EOGT: variants seen among roughly 807,000 people sequenced by gnomAD.
EOGT encodes EGF domain-specific O-linked N-acetylglucosamine transferase.
In EOGT, 55 loss-of-function variants were observed where a neutral mutation model predicts 70.5. The observed-to-expected ratio is 0.78, with a 90% confidence interval of 0.63 to 0.98. The LOEUF is 0.98. Among genes scored for constraint, EOGT ranks in the 50% least tolerant of loss-of-function variants. The pLI, the probability that EOGT is intolerant of heterozygous loss-of-function variation, is 0.00. For synonymous variants in EOGT, 246 were observed against 217.1 expected, an observed-to-expected ratio of 1.13 and a Z score of -1.17; for missense variants, 703 against 641.9, an observed-to-expected ratio of 1.10 and a Z score of -1.03.
intron 10 of EOGT, among the ~76,000 whole-genome samples, chr3:68,996,380 G>C (rs2083178): frequency 6.6e-6 from 1 of 152,290 alleles, no homozygotes; most frequent in South Asian, 2.1e-4. Context: ...CTGTTAACTA[G>C]CTAAGTCGGC....
chr3:69,009,933 C>CAAAAAAAAAAAAAA, intron 3 of EOGT, 73 bp from the exon 4 acceptor site: 7 of 255,182 alleles, frequency 2.7e-5, no homozygotes, highest in Middle Eastern at 1.3e-3. Flanking sequence ...ACAACAACAA[C>CAAAAAAAAAAAAAA]AAAAAAAAAA....
chr3:69,013,160 G>A (rs772333821), intron 1 of EOGT, among the ~76,000 whole-genome samples: 38 of 152,176 alleles, frequency 2.5e-4, no homozygotes, highest in African/African-American at 8.2e-4. Flanking sequence ...CCGCGCTGGG[G>A]TTCCGGACCC....
chr3:69,007,021 T>C (rs987356947), intron 6 of EOGT, among the ~76,000 whole-genome samples: 1 of 152,210 alleles, frequency 6.6e-6, no homozygotes, highest in South Asian at 2.1e-4. Context: ...TGGGCAAATA[T>C]AGAGCAGTAT....
At chr3:69,000,779 G>A (rs1322241026) in intron 9 of EOGT, among the ~76,000 whole-genome samples, 1 of 152,100 alleles carries the variant, frequency 6.6e-6, no homozygotes, top group South Asian at 2.1e-4. Flanking sequence ...CTTGCAAGCT[G>A]AGAAAGAGGC....
chr3:68,983,912 G>A (rs762182378), intron 14 of EOGT, among the ~76,000 whole-genome samples: 39 of 152,130 alleles, frequency 2.6e-4, no homozygotes, highest in Middle Eastern at 3.2e-3. Flanking sequence ...GCAGTGAGCC[G>A]AGATCGTGCC....
At chr3:68,988,439 T>C (rs2090881344) in intron 12 of EOGT, 58 bp from the exon 13 acceptor site, 2 of 1,486,660 alleles carry the variant, frequency 1.3e-6, no homozygotes, top group South Asian at 1.2e-5. Flanking sequence ...TAATTTAAGA[T>C]ACTGTCAACT....
Position 69,004,609 on chromosome 3 carries a change from T to A in EOGT, c.516-127A>T, listed in dbSNP as rs141761198. ...TTTAAAAGAATTTAACTATTTACAA[T>A]AGAAAATTTCAAGTGTATATGAAAG... On this transcript the variant is annotated intron_variant, in intron 7 of 17. Transcript: ENST00000383701. 7.4e-4 allele frequency: 485 copies of A among 655,578 alleles called. 3 individuals carry two copies. In the African/African-American group the frequency reaches 8.1e-3, roughly 11 times the overall value. The allele number at this position is 655,578 out of a possible 1,614,324, so 40.6% of individuals were successfully genotyped here.
chr3:68,995,861 TAG>T (rs2091133439), intron 10 of EOGT, among the ~76,000 whole-genome samples: 2 of 152,200 alleles, frequency 1.3e-5, no homozygotes, highest in Admixed American at 1.3e-4. Flanking sequence ...AGCATTATCT[TAG>T]AACACTCACC....
chr3:69,007,705 A>G lies in EOGT; in HGVS notation c.420+8T>C, dbSNP rs755149184. The G allele has an allele frequency of 1.4e-5, 22 of 1,553,086 alleles. No individual in the cohort carries two copies. The highest frequency in any genetic ancestry group is 1.8e-5 in the Non-Finnish European group (21 of 1,136,604). ...ACAAGTTTATTTAGTAAGGAGCAAAATACCCACCGTTTCCTTAGGCTGACA... is the reference window on the plus strand; with the variant it reads ...ACAAGTTTATTTAGTAAGGAGCAAAGTACCCACCGTTTCCTTAGGCTGACA... On this transcript the variant is annotated splice_region_variant and intron_variant, in intron 6 of 17. Transcript: ENST00000383701.
intron 13 of EOGT, among the ~76,000 whole-genome samples, chr3:68,988,068 C>T (rs1284767252): frequency 3.9e-5 from 6 of 152,200 alleles, no homozygotes; most frequent in African/African-American, 2.4e-5. Flanking sequence ...GCACATGCCA[C>T]CTCGTCCAGC....
At chr3:69,002,213 T>A (rs963633039) in intron 8 of EOGT, among the ~76,000 whole-genome samples, 2 of 152,122 alleles carry the variant, frequency 1.3e-5, no homozygotes, top group African/African-American at 4.8e-5. Flanking sequence ...CAGGCCCAGG[T>A]TGAGTCTAGA....
chr3:68,983,900 C>T (rs769192074), intron 14 of EOGT, among the ~76,000 whole-genome samples: 8 of 152,140 alleles, frequency 5.3e-5, no homozygotes, highest in Non-Finnish European at 7.4e-5. Context: ...GAGATGGAGG[C>T]TGCAGTGAGC....
intron 13 of EOGT, 100 bp from the exon 14 acceptor site, chr3:68,987,613 A>T: frequency 1.2e-6 from 1 of 848,838 alleles, no homozygotes; most frequent in Non-Finnish European, 1.9e-6. Context: ...GATGAAACTC[A>T]ACCAGGATAC....
intron 14 of EOGT, 58 bp from the exon 15 acceptor site, chr3:68,982,930 CCTTAT>C (rs1436553134): frequency 7.6e-7 from 1 of 1,320,588 alleles, no homozygotes; most frequent in African/African-American, 1.5e-5. Context: ...TCTGTTTTTC[CCTTAT>C]GAGTCCTAAA....
rs764370852 is a variant in EOGT at position 68,982,829 on chromosome 3, A to G, written c.1196T>C (p.Ile399Thr). ...TACTTACCTATACTTGTAATCAACA[A>G]TCTGGACTTCAAATGTAGATACTGT... is the stretch of plus-strand genomic sequence containing the variant. Reference protein sequence around the residue: ...LKTVSTFEVQIVDYKYRELGF... With the variant: ...LKTVSTFEVQTVDYKYRELGF... The change falls in exon 15 of 18, where the codon ATT becomes ACT. Residue 399 changes from isoleucine to threonine, a missense_variant. Ile to Thr is a moderately conservative substitution (Grantham distance 89, BLOSUM62 -1). Coordinates refer to ENST00000383701, the MANE Select transcript of EOGT (RefSeq NM_001278689.2). 33 of 1,607,456 alleles carry G rather than the reference A, an allele frequency of 2.1e-5. 1 individual carries two copies. The South Asian group carries it at 3.4e-4, about 16-fold the overall frequency.
At chr3:68,979,870 A>G in intron 15 of EOGT, 83 bp from the exon 16 acceptor site, 1 of 1,394,816 alleles carries the variant, frequency 7.2e-7, no homozygotes, top group South Asian at 1.4e-5. Flanking sequence ...CACAGTAAGG[A>G]TATTTATAAA....
intron 8 of EOGT, 61 bp downstream of exon 8, chr3:69,004,317 T>C (rs2091380944): frequency 3.3e-6 from 4 of 1,220,060 alleles, no homozygotes; most frequent in Admixed American, 3.7e-5. Flanking sequence ...TCCATTAATA[T>C]CTGCAAGTGC....
At chr3:68,987,421 TAA>T in intron 14 of EOGT, 22 bp downstream of exon 14, 1 of 1,566,112 alleles carries the variant, frequency 6.4e-7, no homozygotes, top group Non-Finnish European at 8.8e-7. Context: ...ATGAAGGCAT[TAA>T]AAATGCATAC....
At chr3:68,982,751 C>G in intron 15 of EOGT, 60 bp downstream of exon 15, 1 of 1,269,530 alleles carries the variant, frequency 7.9e-7, no homozygotes. Flanking sequence ...TGCTTTCTAG[C>G]CCCCTTGACC....
Sources: gnomAD v4.1 joint callset for allele counts (sites outside exome capture counted in the v4.1 genomes callset) on GRCh38, gnomAD v4.1.1 for gene constraint, MANE v1.5 for transcripts, NCBI Gene and HGNC (gene_info 2026-07-23, HGNC 2026-07-21) for gene names.